Variants in CLEC2A observed in about 807,000 individuals in gnomAD.
CLEC2A encodes the protein C-type lectin domain family 2 member A.
A neutral mutation model predicts 18.6 loss-of-function variants in CLEC2A; 19 were observed. The ratio of observed to expected loss-of-function variants is 1.02; its 90% confidence interval spans 0.71 to 1.50. The LOEUF (loss-of-function observed/expected upper bound fraction) is 1.50. Among genes scored for constraint, CLEC2A ranks in the 40% most tolerant of loss-of-function variants. CLEC2A has a pLI of 0.00. For missense variants in CLEC2A, 190 were observed against 207.9 expected (o/e 0.91, Z 0.53); for synonymous variants, 74 against 64.0 (o/e 1.16, Z -0.75).
chr12:9,892,795 G>T, the CLEC2A span, among the ~76,000 whole-genome samples: 1 of 151,366 alleles, frequency 6.6e-6, no homozygotes, highest in Admixed American at 6.6e-5. Context: ...TGTTGGTCAG[G>T]CTGGTCTTGA....
In CLEC2A at chr12:9,913,415, C is replaced by T. The variant is rs1863017157; in HGVS notation, c.*151G>A. 1 of 1,341,836 alleles carries T rather than the reference C, an allele frequency of 7.5e-7. No homozygotes were observed. The highest frequency in any genetic ancestry group is 9.8e-7 in the Non-Finnish European group (1 of 1,024,286). 83.1% of individuals were successfully genotyped at this position (1,341,836 alleles called of 1,614,324 possible). Reference sequence around the variant, plus strand: ...CCTTGTCTCTTTAACCATGGCAGGGCACAGCAAGAAGTTTCCATCTATAAA... The same window carrying T: ...CCTTGTCTCTTTAACCATGGCAGGGTACAGCAAGAAGTTTCCATCTATAAA... On this transcript the variant is annotated 3_prime_UTR_variant, in exon 5 of 5. Transcript: ENST00000455827.
At chr12:9,891,838 T>C in the CLEC2A span, among the ~76,000 whole-genome samples, 30 of 152,324 alleles carry the variant, frequency 2.0e-4, no homozygotes, top group African/African-American at 7.2e-4. Flanking sequence ...GCTGGACATA[T>C]AGTTTAATTT....
the CLEC2A span, chr12:9,888,711 C>G: frequency 1.4e-6 from 2 of 1,387,852 alleles, no homozygotes; most frequent in East Asian, 5.0e-5. Flanking sequence ...TTTCTCATAT[C>G]TTTTCTTTGC....
intron 2 of CLEC2A, among the ~76,000 whole-genome samples, 176 bp downstream of exon 2, chr12:9,926,084 T>G (rs1447724995): frequency 6.6e-6 from 1 of 152,144 alleles, no homozygotes; most frequent in Non-Finnish European, 1.5e-5. Flanking sequence ...CTGAGAGTGT[T>G]TGGGGGAGAG....
At chr12:9,926,226 G>A (rs780719548) in intron 2 of CLEC2A, 34 bp downstream of exon 2, 1 of 1,264,706 alleles carries the variant, frequency 7.9e-7, no homozygotes, top group East Asian at 2.5e-5. Flanking sequence ...CAGGAGTGAA[G>A]AACCATAGAA....
chr12:9,903,487 C>A (rs554576735), intron 4 of CLEC2A, among the ~76,000 whole-genome samples: 3 of 152,292 alleles, frequency 2.0e-5, no homozygotes, highest in East Asian at 3.9e-4. Context: ...TTAGCTAGTT[C>A]ATTGGATAAA....
intron 2 of CLEC2A, among the ~76,000 whole-genome samples, chr12:9,924,383 C>T (rs943584484): frequency 1.3e-5 from 2 of 152,146 alleles, no homozygotes; most frequent in Non-Finnish European, 2.9e-5. Flanking sequence ...TCTAAGACTA[C>T]ACTGACAGTA....
At chr12:9,898,362 A>G (rs1430546400), downstream of CLEC2A, among the ~76,000 whole-genome samples, 3 of 152,146 alleles carry the variant, frequency 2.0e-5, no homozygotes, top group Non-Finnish European at 4.4e-5. Flanking sequence ...ACCACATCCA[A>G]TCATATGCCA....
At chr12:9,909,149 T>C (rs1591787498), downstream of CLEC2A, among the ~76,000 whole-genome samples, 1 of 152,318 alleles carries the variant, frequency 6.6e-6, no homozygotes, top group Middle Eastern at 3.4e-3. Context: ...TTTCATTTGC[T>C]CCTTTAATCT....
At chr12:9,896,858 A>ATTTTT (rs764556099), downstream of CLEC2A, among the ~76,000 whole-genome samples, 2 of 135,952 alleles carry the variant, frequency 1.5e-5, no homozygotes, top group Non-Finnish European at 3.2e-5. Context: ...CAGTCTCTTA[A>ATTTTT]TTTTTTTTTT....
chr12:9,921,156 G>T (rs192342127), intron 3 of CLEC2A, among the ~76,000 whole-genome samples: 104 of 152,254 alleles, frequency 6.8e-4, no homozygotes, highest in African/African-American at 2.3e-3. Context: ...GTTAGTAGAA[G>T]ATTACATGAG....
the CLEC2A span, among the ~76,000 whole-genome samples, chr12:9,891,262 G>C: frequency 6.6e-6 from 1 of 152,160 alleles, no homozygotes; most frequent in South Asian, 2.1e-4. Context: ...GCATCTAATA[G>C]AGCAGTTGAT....
chr12:9,894,126 TTCTCTCTCTCTC>T (rs141327204), downstream of CLEC2A, among the ~76,000 whole-genome samples: 93 of 130,290 alleles, frequency 7.1e-4, no homozygotes, highest in African/African-American at 2.2e-3. Flanking sequence ...TTTCTTTTCT[TTCTCTCTCTCTC>T]TCTCTCTCTC....
At chr12:9,880,543 TGTGC>T in the CLEC2A span, among the ~76,000 whole-genome samples, 3 of 149,382 alleles carry the variant, frequency 2.0e-5, no homozygotes, top group Middle Eastern at 3.4e-3. Context: ...TGTGTGTGTG[TGTGC>T]GTGTTAAGTG....
At chr12:9,911,088 C>G (rs753430875), downstream of CLEC2A, among the ~76,000 whole-genome samples, 13 of 152,156 alleles carry the variant, frequency 8.5e-5, no homozygotes, top group Non-Finnish European at 1.6e-4. Flanking sequence ...GTGTAGTTCC[C>G]CATTGGCTGG....
Position 9,913,430 on chromosome 12 carries a change from C to A in CLEC2A, c.*136G>T, listed in dbSNP as rs1002580011. 1 of 1,396,196 alleles carries A rather than the reference C, an allele frequency of 7.2e-7. No individual in the cohort carries two copies. Among genetic ancestry groups the A allele is most frequent in the African/African-American group, 1.5e-5 (1 of 68,414 alleles). The allele number at this position is 1,396,196 out of a possible 1,614,324, so 86.5% of individuals were successfully genotyped here. Reference sequence around the variant, plus strand: ...CATGGCAGGGCACAGCAAGAAGTTTCCATCTATAAACTAGAAAATGGGCCC... The same window carrying A: ...CATGGCAGGGCACAGCAAGAAGTTTACATCTATAAACTAGAAAATGGGCCC... On this transcript the variant is annotated 3_prime_UTR_variant, in exon 5 of 5. Coordinates refer to ENST00000455827, the MANE Select transcript of CLEC2A (RefSeq NM_001130711.2).
At chr12:9,912,319 C>A (rs144789152), downstream of CLEC2A, among the ~76,000 whole-genome samples, 1,097 of 152,174 alleles carry the variant, frequency 7.2e-3, 17 homozygotes, top group African/African-American at 0.025. Flanking sequence ...GCCGTGAGTC[C>A]CAACCCCTGC....
intron 4 of CLEC2A, among the ~76,000 whole-genome samples, chr12:9,916,352 G>A (rs141697432): frequency 0.021 from 3,125 of 152,162 alleles, 44 homozygotes; most frequent in Non-Finnish European, 0.032. Flanking sequence ...TACTTGGAAA[G>A]AAGTACAAGT....
chr12:9,928,092 A>C (rs959077954), intron 1 of CLEC2A, among the ~76,000 whole-genome samples: 3 of 152,244 alleles, frequency 2.0e-5, no homozygotes, highest in Non-Finnish European at 4.4e-5. Context: ...GTTTGTGACC[A>C]TGAGAATTAG....
Sources: gnomAD v4.1 joint callset for allele counts (sites outside exome capture counted in the v4.1 genomes callset) on GRCh38, gnomAD v4.1.1 for gene constraint, MANE v1.5 for transcripts, NCBI Gene and HGNC (gene_info 2026-07-23, HGNC 2026-07-21) for gene names.